Variants in SEC61A2 observed in about 807,000 individuals in gnomAD.
SEC61A2 encodes SEC61 translocon subunit alpha 2.
In SEC61A2, 28 loss-of-function variants were observed where a neutral mutation model predicts 59.9. The observed-to-expected ratio is 0.47, with a 90% CI of 0.35 to 0.64. SEC61A2 has a LOEUF of 0.64. Among genes scored for constraint, SEC61A2 ranks in the 30% least tolerant of loss-of-function variants. The pLI is 0.01. For missense variants in SEC61A2, 340 were observed against 585.9 expected (o/e 0.58, Z 4.33); for synonymous variants, 202 against 214.4 (o/e 0.94, Z 0.50).
downstream of SEC61A2, chr10:12,166,085 C>T (rs1337035046): frequency 6.6e-6 from 1 of 152,204 alleles, no homozygotes; most frequent in Non-Finnish European, 1.5e-5. Context: ...ATAGAAATGG[C>T]ATTTAGGGAT....
At chr10:12,169,676 C>G, downstream of SEC61A2, 1 of 238,988 alleles carries the variant, frequency 4.2e-6, no homozygotes, top group South Asian at 1.1e-4. This position sits in a 1 kb window ranked among gnomAD's most constrained non-coding sequence, Gnocchi z 4.8. Flanking sequence ...TGGAAGCTCT[C>G]TAAGGGATAC....
At position 12,160,941 on chromosome 10, in the gene SEC61A2, G is replaced by C; in HGVS notation, c.987G>C (p.Gly329=). ...CTCCTGTTCTGTAGGATGTCAGTGG[G>C]GGAGGACCCGCACGTTCTTACCCAG... ...NLLGQWADVS[G]GGPARSYPVG... is the part of the protein sequence containing the mutation. The change falls in exon 10 of 12, where the codon GGG becomes GGC. Residue 329 remains glycine (G), a synonymous_variant. Coordinates refer to ENST00000298428, the MANE Select transcript of SEC61A2 (RefSeq NM_018144.4). The surrounding 1 kb of genome is among the most constrained non-coding windows in gnomAD (Gnocchi z 4.1). 6.2e-7 allele frequency: 1 copy of C among 1,612,794 alleles called. No individual in the cohort carries two copies. Among genetic ancestry groups the C allele is most frequent in the South Asian group, 1.1e-5 (1 of 90,848 alleles).
downstream of SEC61A2, among the ~76,000 whole-genome samples, chr10:12,168,745 C>A (rs557842158): frequency 2.7e-4 from 41 of 152,052 alleles, 1 homozygote; most frequent in Non-Finnish European, 4.9e-4. This position sits in a 1 kb window ranked among gnomAD's most constrained non-coding sequence, Gnocchi z 4.8. Flanking sequence ...CTCTTTGTAG[C>A]AAACTGATCT....
rs1479818858 is a variant in SEC61A2 at position 12,162,560 on chromosome 10, GA to G, written c.1244+272del. ...TGGCTGGCTGCACATACAATCACCA[GA>G]GAGCTTTTAAAAAGGATTTCCCAGG... On this transcript the variant is annotated intron_variant, in intron 11 of 11. Transcript: ENST00000298428. The surrounding 1 kb of genome is among the most constrained non-coding windows in gnomAD (Gnocchi z 6.1). The G allele has an allele frequency of 8.8e-6, 5 of 566,262 alleles. No homozygotes were observed. Among genetic ancestry groups the G allele is most frequent in the Non-Finnish European group, 1.6e-5 (5 of 304,694 alleles). 35.1% of individuals were successfully genotyped at this position (566,262 alleles called of 1,614,324 possible). A position where few individuals can be genotyped will look rare whatever the true frequency, so the allele number is the denominator to read the frequency against.
At chr10:12,169,386 C>A, downstream of SEC61A2, 1 of 1,158,924 alleles carries the variant, frequency 8.6e-7, no homozygotes, top group Admixed American at 2.3e-5. The surrounding 1 kb of genome is among the most constrained non-coding windows in gnomAD (Gnocchi z 4.8). Flanking sequence ...CCACGCACCT[C>A]CTCAGAGGGA....
downstream of SEC61A2, chr10:12,167,420 AG>A: frequency 3.0e-6 from 1 of 328,568 alleles, no homozygotes; most frequent in South Asian, 3.1e-5. Flanking sequence ...GGACTAGAAA[AG>A]TAACTGAGCT....
In SEC61A2 at chr10:12,136,097, T is replaced by G; in HGVS notation, c.76-8T>G. 6.3e-7 allele frequency: 1 copy of G among 1,594,326 alleles called. No homozygotes were observed. The highest frequency in any genetic ancestry group is 8.6e-7 in the Non-Finnish European group (1 of 1,162,308). The stretch of plus-strand genomic sequence containing the variant: ...TTGATTGATGATTCTTTACATTTTG[T>G]TGTACAGATCCAGTTTAGAGAGAAG... On this transcript the variant is annotated splice_region_variant and splice_polypyrimidine_tract_variant and intron_variant, in intron 2 of 11. Transcript: ENST00000298428.
intron 3 of SEC61A2, among the ~76,000 whole-genome samples, chr10:12,140,768 T>G (rs1409451569): frequency 1.4e-5 from 2 of 148,126 alleles, no homozygotes; most frequent in Admixed American, 6.7e-5. Context: ...GCTAATTTTT[T>G]TGTGTGTATT....
intron 4 of SEC61A2, among the ~76,000 whole-genome samples, chr10:12,148,562 A>G (rs934486990): frequency 3.1e-5 from 4 of 130,312 alleles, no homozygotes; most frequent in African/African-American, 1.2e-4. Context: ...TTTCTTTGAG[A>G]TGGAGTCTCA....
chr10:12,162,566 T>G lies in SEC61A2; in HGVS notation c.1244+277T>G, dbSNP rs1217397496. 5.5e-6 allele frequency: 3 copies of G among 544,194 alleles called. No homozygotes were observed. Among genetic ancestry groups the G allele is most frequent in the African/African-American group, 1.9e-5 (1 of 53,098 alleles). 33.7% of individuals were successfully genotyped at this position (544,194 alleles called of 1,614,324 possible). ...GCTGCACATACAATCACCAGAGAGCTTTTAAAAAGGATTTCCCAGGAACTG... is the reference window on the plus strand; with the variant it reads ...GCTGCACATACAATCACCAGAGAGCGTTTAAAAAGGATTTCCCAGGAACTG... On this transcript the variant is annotated intron_variant, in intron 11 of 11. Transcript: ENST00000298428. This position sits in a 1 kb window ranked among gnomAD's most constrained non-coding sequence, Gnocchi z 6.1.
rs1225747179 is a variant in SEC61A2, at chr10:12,162,333, T to G, written c.1244+44T>G. 16 of 1,426,596 alleles carry G rather than the reference T, an allele frequency of 1.1e-5. No individual in the cohort carries two copies. The highest frequency in any genetic ancestry group is 1.6e-5 in the Non-Finnish European group (16 of 1,009,340). 88.4% of individuals were successfully genotyped at this position (1,426,596 alleles called of 1,614,324 possible). A position where few individuals can be genotyped will look rare whatever the true frequency, so the allele number is the denominator to read the frequency against. On this transcript the variant is annotated intron_variant, in intron 11 of 11. Coordinates refer to ENST00000298428, the MANE Select transcript of SEC61A2 (RefSeq NM_018144.4). The surrounding 1 kb of genome is among the most constrained non-coding windows in gnomAD (Gnocchi z 6.1). ...CACCTTTATAGGCCTGTGTTTGTGTTTCAGTCTTTCAGTGTTGGCTAAATG... is the reference window on the plus strand; with the variant it reads ...CACCTTTATAGGCCTGTGTTTGTGTGTCAGTCTTTCAGTGTTGGCTAAATG...
rs1197427362 is a variant in SEC61A2, at chr10:12,152,238, G to A, written c.462+2277G>A. Among the ~76,000 whole-genome samples, 1 of 152,034 alleles carries A rather than the reference G, an allele frequency of 6.6e-6. No individual in the cohort carries two copies. The highest frequency in any genetic ancestry group is 2.4e-5 in the African/African-American group (1 of 41,402). The stretch of plus-strand genomic sequence containing the variant: ...TGGAATTACAGGGTCCTGCCACCAC[G>A]TCCAGCTAGTTGTGTATTTTTAGTA... On this transcript the variant is annotated intron_variant, in intron 6 of 11. Transcript: ENST00000298428. The surrounding 1 kb of genome is among the most constrained non-coding windows in gnomAD (Gnocchi z 5.5).
At chr10:12,163,418 G>C (rs1834577540) in intron 11 of SEC61A2, among the ~76,000 whole-genome samples, 1 of 150,666 alleles carries the variant, frequency 6.6e-6, no homozygotes, top group African/African-American at 2.4e-5. Context: ...TCGACCTCCT[G>C]GGATCAAGCG....
intron 3 of SEC61A2, among the ~76,000 whole-genome samples, chr10:12,141,563 A>G (rs1009717033): frequency 6.6e-6 from 1 of 152,230 alleles, no homozygotes; most frequent in African/African-American, 2.4e-5. Context: ...AATTTGATAC[A>G]TATGAAAAGA....
At chr10:12,139,616 C>G (rs1833964468) in intron 3 of SEC61A2, among the ~76,000 whole-genome samples, 1 of 151,968 alleles carries the variant, frequency 6.6e-6, no homozygotes, top group Non-Finnish European at 1.5e-5. Flanking sequence ...AACCCCATCT[C>G]TACTAAAAAT....
At chr10:12,132,630 A>T (rs996542486) in intron 1 of SEC61A2, among the ~76,000 whole-genome samples, 3 of 132,398 alleles carry the variant, frequency 2.3e-5, no homozygotes, top group African/African-American at 8.0e-5. Flanking sequence ...AAAAAAAAAA[A>T]GTTAACTATA....
chr10:12,143,404 T>G lies in SEC61A2; in HGVS notation c.220+209T>G, dbSNP rs1332053498. On this transcript the variant is annotated intron_variant, in intron 4 of 11. Coordinates refer to ENST00000298428, the MANE Select transcript of SEC61A2 (RefSeq NM_018144.4). This position sits in a 1 kb window ranked among gnomAD's most constrained non-coding sequence, Gnocchi z 4.8. ...TTTCATGGACTGGAAAACCCTGATC[T>G]TCAGTGTCAAAGAAGGTGATGTCCA... is the stretch of plus-strand genomic sequence containing the variant. Among the ~76,000 whole-genome samples, 2 of 152,132 alleles carry G rather than the reference T, an allele frequency of 1.3e-5. No individual in the cohort carries two copies. The highest frequency in any genetic ancestry group is 2.9e-5 in the Non-Finnish European group (2 of 68,022).
At chr10:12,138,762 G>A (rs1375735841) in intron 3 of SEC61A2, among the ~76,000 whole-genome samples, 1 of 152,056 alleles carries the variant, frequency 6.6e-6, no homozygotes, top group Non-Finnish European at 1.5e-5. Flanking sequence ...TCATTCATTC[G>A]CTTGTTAGAC....
In SEC61A2 at chr10:12,154,060, G is replaced by A. The variant is rs545728743; in HGVS notation, c.463-1718G>A. 7.4e-4 allele frequency among the ~76,000 whole-genome samples: 112 copies of A among 151,924 alleles called. No individual in the cohort carries two copies. The highest frequency in any genetic ancestry group is 1.3e-3 in the Non-Finnish European group (90 of 67,944). Reference sequence around the variant, plus strand: ...TAAGTTGTGTGTAGGTGTCGTGCAGGGTTAAAATGTTAAGTGCCATGTTTA... The same window carrying A: ...TAAGTTGTGTGTAGGTGTCGTGCAGAGTTAAAATGTTAAGTGCCATGTTTA... On this transcript the variant is annotated intron_variant, in intron 6 of 11. Coordinates refer to ENST00000298428, the MANE Select transcript of SEC61A2 (RefSeq NM_018144.4). This position sits in a 1 kb window ranked among gnomAD's most constrained non-coding sequence, Gnocchi z 5.2.
Sources: allele counts gnomAD v4.1 joint callset (sites outside exome capture counted in the v4.1 genomes callset), GRCh38; gene constraint gnomAD v4.1.1; non-coding constraint Gnocchi (gnomAD v3.1); transcripts MANE v1.5; gene names NCBI Gene and HGNC (gene_info 2026-07-23, HGNC 2026-07-21).